The following RARS2 variants were observed in gnomAD, a reference collection of about 807,000 sequenced individuals.
RARS2 encodes the protein arginyl-tRNA synthetase 2, mitochondrial.
A neutral mutation model predicts 88.5 loss-of-function variants in RARS2; 67 were observed. The observed-to-expected ratio is 0.76, with a 90% CI of 0.62 to 0.93. RARS2 has a LOEUF of 0.93. Ranked by LOEUF, RARS2 falls within the 40% of genes least tolerant of loss-of-function variation. The probability of loss-of-function intolerance (pLI) is 0.00; values close to 1 mark genes in which losing one functional copy is unlikely to be tolerated. For missense variants in RARS2, 664 were observed against 684.2 expected (o/e 0.97, Z 0.33); for synonymous variants, 239 against 230.3 (o/e 1.04, Z -0.34).
chr6:87,518,501 C>T, intron 16 of RARS2, 129 bp downstream of exon 16: 2 of 1,257,590 alleles, frequency 1.6e-6, no homozygotes, highest in Non-Finnish European at 2.2e-6. Flanking sequence ...AAAAGAAGGT[C>T]TACTCTAGTC....
intron 8 of RARS2, among the ~76,000 whole-genome samples, chr6:87,533,894 T>C (rs1778329933): frequency 6.6e-6 from 1 of 152,176 alleles, no homozygotes; most frequent in South Asian, 2.1e-4. Flanking sequence ...CTCCTTGATG[T>C]GGGGCTCTAA....
In RARS2 at chr6:87,559,533, T is replaced by C. The variant is rs1341153188; in HGVS notation, c.297+3169A>G. ...TGTCACCCAGGCTGGAGTACAGCAGTGTGATCCTGTACAGCAGTGTTATCC... is the reference window on the plus strand; with the variant it reads ...TGTCACCCAGGCTGGAGTACAGCAGCGTGATCCTGTACAGCAGTGTTATCC... On this transcript the variant is annotated intron_variant, in intron 4 of 19. Transcript: ENST00000369536. 4.0e-5 allele frequency among the ~76,000 whole-genome samples: 6 copies of C among 149,246 alleles called. No individual in the cohort carries two copies. In the East Asian group the frequency reaches 7.9e-4, roughly 20 times the overall value.
At chr6:87,543,763 G>C (rs1781772445) in intron 7 of RARS2, among the ~76,000 whole-genome samples, 1 of 152,142 alleles carries the variant, frequency 6.6e-6, no homozygotes, top group Non-Finnish European at 1.5e-5. Context: ...ACTGAACACA[G>C]GACACAGGAA....
chr6:87,567,840 C>T (rs7756225), intron 2 of RARS2, among the ~76,000 whole-genome samples: 31,634 of 152,126 alleles, frequency 0.21, 3,661 homozygotes, highest in East Asian at 0.39. Flanking sequence ...GGCGAGATCT[C>T]GGCTCACTCT....
intron 1 of RARS2, among the ~76,000 whole-genome samples, chr6:87,577,044 T>C (rs1172536156): frequency 6.6e-6 from 1 of 152,190 alleles, no homozygotes; most frequent in Admixed American, 6.5e-5. Context: ...TTTGAATTAA[T>C]TGACAACACA....
chr6:87,559,618 A>T (rs1010692293), intron 4 of RARS2, among the ~76,000 whole-genome samples: 1 of 152,178 alleles, frequency 6.6e-6, no homozygotes, highest in Non-Finnish European at 1.5e-5. Flanking sequence ...CAGCCTCTCA[A>T]AGTGCTGGAA....
intron 14 of RARS2, 26 bp downstream of exon 14, chr6:87,519,557 C>A (rs1488099457): frequency 6.2e-7 from 1 of 1,601,834 alleles, no homozygotes. Flanking sequence ...TAAGTTATGA[C>A]TTTAATAAGA....
In RARS2 at chr6:87,583,349, C is replaced by T. The variant is rs546389514; in HGVS notation, c.36+6573G>A. On this transcript the variant is annotated intron_variant, in intron 1 of 19. Coordinates refer to ENST00000369536, the MANE Select transcript of RARS2 (RefSeq NM_020320.5). ...TCTTGCCTGTAATCCCAGCACTTTG[C>T]GAGGCCGAAGCATGCAGATCACCTG... Among the ~76,000 whole-genome samples, 10 of 152,136 alleles carry T rather than the reference C, an allele frequency of 6.6e-5. No individual in the cohort carries two copies. In the East Asian group the frequency reaches 7.7e-4, roughly 12 times the overall value.
At chr6:87,555,296 G>C (rs1463603023) in intron 5 of RARS2, 112 bp downstream of exon 5, 10 of 773,440 alleles carry the variant, frequency 1.3e-5, no homozygotes, top group Non-Finnish European at 2.0e-5. Context: ...AATTGCACTG[G>C]TTTTCAAGTT....
intron 5 of RARS2, among the ~76,000 whole-genome samples, chr6:87,551,432 C>A (rs11970493): frequency 0.32 from 48,786 of 151,304 alleles, 7,946 homozygotes; most frequent in Admixed American, 0.41. Flanking sequence ...TTGAGACCAG[C>A]CTGACCAACA....
intron 17 of RARS2, 110 bp from the exon 18 acceptor site, chr6:87,516,990 A>T: frequency 6.6e-7 from 1 of 1,504,584 alleles, no homozygotes; most frequent in Non-Finnish European, 9.0e-7. Context: ...TTAAGAGTAG[A>T]AGGTATGGCC....
At chr6:87,527,812 A>T (rs1776242452) in intron 10 of RARS2, among the ~76,000 whole-genome samples, 1 of 152,186 alleles carries the variant, frequency 6.6e-6, no homozygotes. Context: ...TAATGCAGGA[A>T]CAGAAAACCA....
At position 87,529,584 on chromosome 6, in the gene RARS2, AC is replaced by A. The variant is rs751179046; in HGVS notation, c.835del (p.Val279SerfsTer2). On this transcript the variant is annotated frameshift_variant, in exon 10 of 20. Coordinates refer to ENST00000369536, the MANE Select transcript of RARS2 (RefSeq NM_020320.5). LOFTEE classifies it high-confidence loss of function. Reference protein sequence around the residue: ...ESFYREKSQEVLKLLESKGLL... With the variant: ...ESFYREKSQEXLKLLESKGLL... Reference sequence around the variant, plus strand: ...TCCTTTACTCTCCAGCAACTTTAAGACCTCTTGAGATTTTTCACGATAAAAT... The same window carrying A: ...TCCTTTACTCTCCAGCAACTTTAAGACTCTTGAGATTTTTCACGATAAAAT... 1 of 1,608,434 alleles carries A rather than the reference AC, an allele frequency of 6.2e-7. No individual in the cohort carries two copies. The highest frequency in any genetic ancestry group is 8.5e-7 in the Non-Finnish European group (1 of 1,174,834).
rs181560205 is a variant in RARS2, at chr6:87,551,957, A to C, written c.396-3311T>G. On this transcript the variant is annotated intron_variant, in intron 5 of 19. Coordinates refer to ENST00000369536, the MANE Select transcript of RARS2 (RefSeq NM_020320.5). Reference sequence around the variant, plus strand: ...TAGAGAGGAAACAGTAATTAGCTTCAAGTCTTACACCATCTACCACGAGGA... The same window carrying C: ...TAGAGAGGAAACAGTAATTAGCTTCCAGTCTTACACCATCTACCACGAGGA... 2.9e-3 allele frequency among the ~76,000 whole-genome samples: 441 copies of C among 152,336 alleles called. 2 individuals carry two copies. Among genetic ancestry groups the C allele is most frequent in the African/African-American group, 9.7e-3 (404 of 41,568 alleles).
chr6:87,582,669 T>A (rs1476310164), intron 1 of RARS2, among the ~76,000 whole-genome samples: 2 of 152,208 alleles, frequency 1.3e-5, no homozygotes, highest in African/African-American at 4.8e-5. Context: ...AGTACAAACG[T>A]AGATAATTCA....
intron 4 of RARS2, among the ~76,000 whole-genome samples, chr6:87,556,368 C>T (rs2128148198): frequency 6.6e-6 from 1 of 152,138 alleles, no homozygotes; most frequent in Middle Eastern, 3.4e-3. Context: ...TGCAGTGGTG[C>T]AATCACGGCT....
chr6:87,567,688 T>C (rs1013824097), intron 2 of RARS2, among the ~76,000 whole-genome samples: 2 of 152,254 alleles, frequency 1.3e-5, no homozygotes, highest in Non-Finnish European at 2.9e-5. Flanking sequence ...CACTAGAGGT[T>C]CCCTTTGTTT....
At chr6:87,543,284 C>T (rs1363159484) in intron 7 of RARS2, among the ~76,000 whole-genome samples, 1 of 151,736 alleles carries the variant, frequency 6.6e-6, no homozygotes, top group Non-Finnish European at 1.5e-5. Flanking sequence ...GCCTGGGCAA[C>T]AAGAGCAAAC....
intron 8 of RARS2, among the ~76,000 whole-genome samples, chr6:87,535,265 C>T (rs996544626): frequency 2.0e-5 from 3 of 152,086 alleles, no homozygotes; most frequent in Non-Finnish European, 4.4e-5. Flanking sequence ...CATAAATATC[C>T]CTACATATGA....
Sources: allele counts gnomAD v4.1 joint callset (sites outside exome capture counted in the v4.1 genomes callset), GRCh38; gene constraint gnomAD v4.1.1; transcripts MANE v1.5; gene names NCBI Gene and HGNC (gene_info 2026-07-23, HGNC 2026-07-21).